BOLL: variants seen among roughly 807,000 people sequenced by gnomAD.
The protein encoded by BOLL is boule RNA binding protein, also known as protein boule-like.
BOLL carries 23 observed loss-of-function variants against 44.4 expected under a neutral mutation model. That is an observed-to-expected ratio of 0.52 (90% CI 0.37 to 0.73). The LOEUF (loss-of-function observed/expected upper bound fraction) is 0.73, where lower values mean the gene tolerates loss of function less well. Ranked by LOEUF, BOLL falls within the 30% of genes least tolerant of loss-of-function variation. The probability of loss-of-function intolerance (pLI) is 0.00; values close to 1 mark genes in which losing one functional copy is unlikely to be tolerated. For missense variants in BOLL, 287 were observed against 338.3 expected (o/e 0.85, Z 1.19); for synonymous variants, 97 against 110.8 (o/e 0.88, Z 0.78).
chr2:197,775,439 A>T (rs1238525707), intron 5 of BOLL, among the ~76,000 whole-genome samples: 1 of 151,750 alleles, frequency 6.6e-6, no homozygotes, highest in Non-Finnish European at 1.5e-5. Flanking sequence ...ATGTAACTAC[A>T]TGGAATATAC....
Position 197,727,895 on chromosome 2 carries a change from A to T in BOLL, c.*660T>A, listed in dbSNP as rs1490314132. ...ATTACATGAAAAGGCAAGAATACTGATCATGTTGATGGTATTTCTAATATT... is the reference window on the plus strand; with the variant it reads ...ATTACATGAAAAGGCAAGAATACTGTTCATGTTGATGGTATTTCTAATATT... On this transcript the variant is annotated 3_prime_UTR_variant, in exon 11 of 11. Transcript: ENST00000392296. The T allele has an allele frequency of 6.6e-6, 1 of 152,322 alleles. No homozygotes were observed. Among genetic ancestry groups the T allele is most frequent in the African/African-American group, 2.4e-5 (1 of 41,462 alleles). 9.4% of individuals were successfully genotyped at this position (152,322 alleles called of 1,614,324 possible).
chr2:197,757,318 G>T, intron 8 of BOLL, 35 bp downstream of exon 8: 1 of 1,556,638 alleles, frequency 6.4e-7, no homozygotes, highest in Non-Finnish European at 8.8e-7. Context: ...AATGAAAGAA[G>T]GATTTAAAAT....
chr2:197,785,015 T>G lies in BOLL; in HGVS notation c.-16+41A>C. 2.0e-6 allele frequency: 2 copies of G among 985,976 alleles called. No homozygotes were observed. Among genetic ancestry groups the G allele is most frequent in the Non-Finnish European group, 1.2e-6 (1 of 829,964 alleles). 61.1% of individuals were successfully genotyped at this position (985,976 alleles called of 1,614,324 possible). A position where few individuals can be genotyped will look rare whatever the true frequency, so the allele number is the denominator to read the frequency against. ...TGAGAATCAACCTCGAGATCTAGCATCTATTTTGCAAACGAAGACAGCAGG... is the reference window on the plus strand; with the variant it reads ...TGAGAATCAACCTCGAGATCTAGCAGCTATTTTGCAAACGAAGACAGCAGG... On this transcript the variant is annotated intron_variant, in intron 1 of 10. Transcript: ENST00000392296. This position sits in a 1 kb window ranked among gnomAD's most constrained non-coding sequence, Gnocchi z 6.7.
chr2:197,732,082 AAGAG>A (rs1227187602), intron 10 of BOLL, among the ~76,000 whole-genome samples: 1 of 149,832 alleles, frequency 6.7e-6, no homozygotes, highest in Non-Finnish European at 1.5e-5. Flanking sequence ...TAAAGAAAAA[AAGAG>A]AGAAGAATCA....
chr2:197,756,371 G>T (rs1176778238), intron 9 of BOLL, 57 bp downstream of exon 9: 31 of 1,414,740 alleles, frequency 2.2e-5, no homozygotes, highest in Non-Finnish European at 2.9e-5. Flanking sequence ...AAGAGAAAAA[G>T]AAATAAATGT....
chr2:197,733,519 A>G (rs1230156263), intron 10 of BOLL, among the ~76,000 whole-genome samples: 1 of 151,794 alleles, frequency 6.6e-6, no homozygotes, highest in Non-Finnish European at 1.5e-5. Context: ...TCCTAAGCCA[A>G]AAGAACAAAG....
intron 7 of BOLL, among the ~76,000 whole-genome samples, chr2:197,765,581 C>T (rs111714336): frequency 2.7e-5 from 4 of 150,676 alleles, no homozygotes; most frequent in African/African-American, 9.7e-5. Flanking sequence ...CACTACATAC[C>T]CCATGAATAG....
rs569693325 is a variant in BOLL, at chr2:197,749,983, G to T, written c.729+6445C>A. Among the ~76,000 whole-genome samples, 4 of 152,138 alleles carry T rather than the reference G, an allele frequency of 2.6e-5. No homozygotes were observed. The East Asian group carries it at 7.7e-4, about 29-fold the overall frequency. ...ACCTTACAAGCCAGAAGAGAGTAGCGGCCAATATTCAACATTCTTAAAGAA... is the reference window on the plus strand; with the variant it reads ...ACCTTACAAGCCAGAAGAGAGTAGCTGCCAATATTCAACATTCTTAAAGAA... On this transcript the variant is annotated intron_variant, in intron 9 of 10. Transcript: ENST00000392296.
chr2:197,731,148 G>A (rs1687152018), intron 10 of BOLL, among the ~76,000 whole-genome samples: 1 of 151,990 alleles, frequency 6.6e-6, no homozygotes, highest in African/African-American at 2.4e-5. Flanking sequence ...AACAAAAAAA[G>A]GCAGGGGTTG....
intron 10 of BOLL, among the ~76,000 whole-genome samples, chr2:197,740,449 A>G (rs1216730348): frequency 6.6e-6 from 1 of 152,168 alleles, no homozygotes; most frequent in Admixed American, 6.6e-5. Context: ...ACTTGTTCAT[A>G]AGGGAATAGG....
At chr2:197,758,402 C>G (rs1688610278) in intron 7 of BOLL, among the ~76,000 whole-genome samples, 1 of 152,056 alleles carries the variant, frequency 6.6e-6, no homozygotes, top group Non-Finnish European at 1.5e-5. Flanking sequence ...ATGAAAGAAG[C>G]CTGTCACAAA....
intron 9 of BOLL, among the ~76,000 whole-genome samples, chr2:197,750,869 T>G (rs1383279281): frequency 1.3e-5 from 2 of 152,190 alleles, no homozygotes; most frequent in Non-Finnish European, 2.9e-5. Flanking sequence ...ACATAGCACT[T>G]ATTGTAAAAT....
chr2:197,772,091 T>C, intron 5 of BOLL, 109 bp from the exon 6 acceptor site: 1 of 871,526 alleles, frequency 1.1e-6, no homozygotes, highest in African/African-American at 1.8e-5. Flanking sequence ...TATGTAGCTA[T>C]GGTAAAAATT....
chr2:197,736,220 C>T (rs887558070), intron 10 of BOLL, among the ~76,000 whole-genome samples: 1 of 151,906 alleles, frequency 6.6e-6, no homozygotes, highest in African/African-American at 2.4e-5. Context: ...AAATTCATAC[C>T]CTTTATCTAA....
chr2:197,749,588 T>C (rs1249865092), intron 9 of BOLL, among the ~76,000 whole-genome samples: 1 of 151,736 alleles, frequency 6.6e-6, no homozygotes. Flanking sequence ...TCGTGAAGCA[T>C]ACACAAGTAT....
chr2:197,738,698 A>G (rs1687605987), intron 10 of BOLL, among the ~76,000 whole-genome samples: 1 of 152,304 alleles, frequency 6.6e-6, no homozygotes, highest in East Asian at 1.9e-4. Flanking sequence ...AGTTGTAATC[A>G]TTAGAGCTTT....
rs1356266124 is a variant in BOLL, at chr2:197,727,900, G to A, written c.*655C>T. On this transcript the variant is annotated 3_prime_UTR_variant, in exon 11 of 11. Coordinates refer to ENST00000392296, the MANE Select transcript of BOLL (RefSeq NM_033030.6). ...ATGAAAAGGCAAGAATACTGATCATGTTGATGGTATTTCTAATATTTGGAA... is the reference window on the plus strand; with the variant it reads ...ATGAAAAGGCAAGAATACTGATCATATTGATGGTATTTCTAATATTTGGAA... 3 of 152,244 alleles carry A rather than the reference G, an allele frequency of 2.0e-5. No individual in the cohort carries two copies. Among genetic ancestry groups the A allele is most frequent in the Admixed American group, 6.5e-5 (1 of 15,276 alleles). The allele number at this position is 152,244 out of a possible 1,614,324, so 9.4% of individuals were successfully genotyped here.
intron 2 of BOLL, among the ~76,000 whole-genome samples, chr2:197,781,242 A>T (rs1416232456): frequency 6.6e-6 from 1 of 152,132 alleles, no homozygotes; most frequent in Non-Finnish European, 1.5e-5. Flanking sequence ...TCTAACATAG[A>T]AAGTGCTTTG....
intron 3 of BOLL, 54 bp from the exon 4 acceptor site, chr2:197,777,167 T>C: frequency 8.3e-7 from 1 of 1,204,190 alleles, no homozygotes. Context: ...AATGTTATAT[T>C]AATTATATTA....
Sources: gnomAD v4.1 joint callset for allele counts (sites outside exome capture counted in the v4.1 genomes callset) on GRCh38, gnomAD v4.1.1 for gene constraint, Gnocchi (gnomAD v3.1) non-coding constraint, MANE v1.5 for transcripts, NCBI Gene and HGNC (gene_info 2026-07-23, HGNC 2026-07-21) for gene names.